Variants in MORC1 observed in about 807,000 individuals in gnomAD.
MORC1 encodes the protein MORC family CW-type zinc finger 1.
Under a neutral mutation model 134.9 loss-of-function variants are expected in MORC1, and 59 were observed. That is an observed-to-expected ratio of 0.44 (90% confidence interval 0.35 to 0.54). The LOEUF (loss-of-function observed/expected upper bound fraction) is 0.54, where lower values mean the gene tolerates loss of function less well. MORC1 is among the 20% of genes least tolerant of loss of function. MORC1 has a pLI of 0.00. For synonymous variants in MORC1, 395 were observed against 391.7 expected, an observed-to-expected ratio of 1.01 and a Z score of -0.10; for missense variants, 947 against 1,134.5, an observed-to-expected ratio of 0.83 and a Z score of 2.37.
chr3:108,979,791 C>T (rs943909690), intron 23 of MORC1, 124 bp from the exon 24 acceptor site: 16 of 959,630 alleles, frequency 1.7e-5, no homozygotes, highest in South Asian at 8.6e-5. Context: ...CGTGTAATGC[C>T]GAAAACTGCC....
chr3:109,075,914 T>A (rs935484368), intron 8 of MORC1, among the ~76,000 whole-genome samples: 2 of 152,162 alleles, frequency 1.3e-5, no homozygotes, highest in African/African-American at 4.8e-5. Flanking sequence ...ATGATATTGA[T>A]TCTTCCTATC....
At position 109,005,096 on chromosome 3, in the gene MORC1, T is replaced by A. The variant is rs1948504873; in HGVS notation, c.1987A>T (p.Asn663Tyr). ...TGGGATCTCTCAGCTAGTTTGACAT[T>A]TTCTGGCAGAGCTACTGGAATTCTC... Reference protein sequence around the residue: ...QQRIPVALPENVKLAERSQRS... With the variant: ...QQRIPVALPEYVKLAERSQRS... The change falls in exon 19 of 28, where the codon AAT (asparagine) becomes TAT (tyrosine). Residue 663 changes from asparagine to tyrosine, a missense_variant. Around this residue, in one of 3 missense-constraint regions of MORC1, gnomAD observed 722 missense variants for 817.0 expected, o/e 0.88. Transcript: ENST00000232603. The A allele has an allele frequency of 6.2e-7, 1 of 1,611,592 alleles. No homozygotes were observed.
At chr3:109,016,025 C>T (rs1439601907) in intron 17 of MORC1, among the ~76,000 whole-genome samples, 1 of 152,156 alleles carries the variant, frequency 6.6e-6, no homozygotes, top group African/African-American at 2.4e-5. Context: ...TTCATATACA[C>T]CTCATACACA....
intron 5 of MORC1, among the ~76,000 whole-genome samples, chr3:109,099,890 C>T (rs2107776927): frequency 6.6e-6 from 1 of 152,304 alleles, no homozygotes; most frequent in Non-Finnish European, 1.5e-5. Flanking sequence ...CTTCAGGAAT[C>T]TTTGAAAGAG....
chr3:108,981,853 C>T (rs1352584656), intron 23 of MORC1, among the ~76,000 whole-genome samples: 2 of 152,160 alleles, frequency 1.3e-5, no homozygotes, highest in Non-Finnish European at 2.9e-5. Context: ...TGGACAAGGA[C>T]TTCATGACTA....
chr3:109,096,117 A>G (rs1383103983), intron 6 of MORC1, among the ~76,000 whole-genome samples: 2 of 152,246 alleles, frequency 1.3e-5, no homozygotes, highest in Non-Finnish European at 2.9e-5. Flanking sequence ...TACTGTATCC[A>G]TGAAACAAGA....
At chr3:109,095,096 C>T (rs767450480) in intron 6 of MORC1, 28 bp from the exon 7 acceptor site, 9 of 1,538,310 alleles carry the variant, frequency 5.9e-6, no homozygotes, top group Non-Finnish European at 7.9e-6. Context: ...CATCAATTTA[C>T]TATGAAATAC....
intron 21 of MORC1, among the ~76,000 whole-genome samples, chr3:108,998,312 T>C (rs1245153511): frequency 6.6e-6 from 1 of 152,212 alleles, no homozygotes; most frequent in African/African-American, 2.4e-5. Context: ...ATTTGGATAA[T>C]GTGAAGTCAT....
intron 1 of MORC1, among the ~76,000 whole-genome samples, chr3:109,116,862 C>G (rs998618459): frequency 6.6e-6 from 1 of 152,232 alleles, no homozygotes; most frequent in Middle Eastern, 3.4e-3. Context: ...ATGTCACTGT[C>G]ACTTGTTAAG....
At chr3:109,099,223 C>A (rs1950881308) in intron 6 of MORC1, 135 bp downstream of exon 6, 2 of 617,026 alleles carry the variant, frequency 3.2e-6, no homozygotes, top group African/African-American at 1.9e-5. Context: ...TTGATACCTT[C>A]TCTCCATTTC....
chr3:109,103,166 C>T (rs1438977451), intron 4 of MORC1, among the ~76,000 whole-genome samples: 1 of 152,098 alleles, frequency 6.6e-6, no homozygotes, highest in African/African-American at 2.4e-5. Context: ...GGTCAAAAAC[C>T]CTGGCTTGTG....
rs1576689074 is a variant in MORC1 at position 109,057,396 on chromosome 3, G to T, written c.1122C>A (p.Asn374Lys). ...SQAGMFIYSN[N>K]RLIKMHEKVG... The stretch of plus-strand genomic sequence containing the variant: ...CTTTTTCATGCATTTTGATCAAACG[G>T]TTATTACTGTAAATGAACATTCCAG... The change falls in exon 13 of 28, where the codon AAC (asparagine) becomes AAA (lysine). Residue 374 changes from asparagine to lysine, a missense_variant. By Grantham distance (94) the Asn-to-Lys change is moderately conservative. Transcript: ENST00000232603. 9.3e-6 allele frequency: 15 copies of T among 1,611,646 alleles called. No individual in the cohort carries two copies. The East Asian group carries it at 3.1e-4, about 34-fold the overall frequency.
At chr3:108,964,113 G>A (rs186689774) in intron 26 of MORC1, among the ~76,000 whole-genome samples, 1 of 152,300 alleles carries the variant, frequency 6.6e-6, no homozygotes, top group East Asian at 1.9e-4. Context: ...AGGAATTCCT[G>A]TTCTCACTCT....
At chr3:109,044,955 A>G (rs1020703515) in intron 14 of MORC1, among the ~76,000 whole-genome samples, 7 of 151,340 alleles carry the variant, frequency 4.6e-5, no homozygotes, top group African/African-American at 7.3e-5. Flanking sequence ...AAAAAAAAAA[A>G]AAAAAGAAAA....
chr3:109,013,018 G>C (rs1311124007), intron 17 of MORC1, among the ~76,000 whole-genome samples: 1 of 152,110 alleles, frequency 6.6e-6, no homozygotes, highest in Non-Finnish European at 1.5e-5. Flanking sequence ...TCACTAATAA[G>C]CAAGATTTTA....
At chr3:109,100,580 C>A in intron 4 of MORC1, 73 bp from the exon 5 acceptor site, 1 of 1,083,858 alleles carries the variant, frequency 9.2e-7, no homozygotes. Context: ...GCTGTCAGGA[C>A]CTCACATTCC....
chr3:109,003,430 C>CACAT (rs1553746836), intron 20 of MORC1, among the ~76,000 whole-genome samples: 1 of 146,974 alleles, frequency 6.8e-6, no homozygotes, highest in Non-Finnish European at 1.5e-5. Context: ...CACACACACA[C>CACAT]GCATGCATAC....
At chr3:109,083,330 C>T (rs866858152) in intron 8 of MORC1, among the ~76,000 whole-genome samples, 20 of 146,168 alleles carry the variant, frequency 1.4e-4, no homozygotes, top group Admixed American at 4.8e-4. Flanking sequence ...AAAACCTTTT[C>T]GAGATACAAG....
chr3:109,091,735 C>T (rs1264765769), intron 8 of MORC1, among the ~76,000 whole-genome samples: 2 of 152,148 alleles, frequency 1.3e-5, no homozygotes, highest in East Asian at 1.9e-4. Context: ...TTATAAAATC[C>T]TAGCCCTGTC....
Sources: gnomAD v4.1 joint callset for allele counts (sites outside exome capture counted in the v4.1 genomes callset) on GRCh38, gnomAD v4.1.1 for gene constraint, gnomAD v4.1.1 regional missense constraint, MANE v1.5 for transcripts, NCBI Gene and HGNC (gene_info 2026-07-23, HGNC 2026-07-21) for gene names.